Variants in PAPSS1 observed in about 807,000 individuals in gnomAD.
PAPSS1 encodes the protein 3'-phosphoadenosine 5'-phosphosulfate synthase 1, also known as bifunctional 3'-phosphoadenosine 5'-phosphosulfate synthase 1.
A neutral mutation model predicts 72.0 loss-of-function variants in PAPSS1; 50 were observed. The observed-to-expected ratio is 0.69, with a 90% confidence interval of 0.55 to 0.88. The LOEUF is 0.88. Ranked by LOEUF, PAPSS1 falls within the 40% of genes least tolerant of loss-of-function variation. The pLI, the probability that PAPSS1 is intolerant of heterozygous loss-of-function variation, is 0.00. For missense variants in PAPSS1, 657 were observed against 782.2 expected (o/e 0.84, Z 1.91); for synonymous variants, 261 against 263.6 (o/e 0.99, Z 0.09).
At chr4:107,701,381 C>A in intron 1 of PAPSS1, 96 bp from the exon 2 acceptor site, 1 of 756,548 alleles carries the variant, frequency 1.3e-6, no homozygotes. Flanking sequence ...ATGTAACATG[C>A]CAAAAGCAAA....
intron 11 of PAPSS1, among the ~76,000 whole-genome samples, chr4:107,625,406 A>G (rs886127873): frequency 4.6e-5 from 7 of 152,180 alleles, no homozygotes; most frequent in Admixed American, 1.3e-4. Flanking sequence ...CATGACAGGG[A>G]TGCAACATGA....
chr4:107,703,563 T>C (rs1249468646), intron 1 of PAPSS1, among the ~76,000 whole-genome samples: 1 of 152,234 alleles, frequency 6.6e-6, no homozygotes, highest in Non-Finnish European at 1.5e-5. Flanking sequence ...TCTAACTTCA[T>C]TCTTCTTCAC....
chr4:107,666,576 A>G (rs906455203), intron 5 of PAPSS1, among the ~76,000 whole-genome samples: 1 of 152,204 alleles, frequency 6.6e-6, no homozygotes, highest in Non-Finnish European at 1.5e-5. Context: ...TATGTAAAGT[A>G]CCCATGGTAA....
At chr4:107,660,133 G>A in intron 5 of PAPSS1, 61 bp from the exon 6 acceptor site, 1 of 853,678 alleles carries the variant, frequency 1.2e-6, no homozygotes, top group Non-Finnish European at 1.8e-6. Flanking sequence ...TTCACCAAAG[G>A]GTATCTTAAT....
intron 5 of PAPSS1, among the ~76,000 whole-genome samples, chr4:107,667,589 A>T (rs1727353944): frequency 6.6e-6 from 1 of 152,228 alleles, no homozygotes. Context: ...ATACCAGATG[A>T]TATCAGAGAT....
At chr4:107,628,977 A>C (rs971344835) in intron 11 of PAPSS1, among the ~76,000 whole-genome samples, 5 of 152,200 alleles carry the variant, frequency 3.3e-5, no homozygotes, top group Admixed American at 2.6e-4. Context: ...CTGTCAGTCA[A>C]AGAGAGACAG....
chr4:107,686,406 C>A lies in PAPSS1; in HGVS notation c.550+633G>T, dbSNP rs1043581256. 1.4e-4 allele frequency among the ~76,000 whole-genome samples: 22 copies of A among 152,176 alleles called. 1 individual carries two copies. The highest frequency in any genetic ancestry group is 5.3e-4 in the African/African-American group (22 of 41,502). On this transcript the variant is annotated intron_variant, in intron 4 of 11. Coordinates refer to ENST00000265174, the MANE Select transcript of PAPSS1 (RefSeq NM_005443.5). ...AAATGTTATATAAATAGATGTTATACTATATTTGTTATTTATACTATTTTT... is the reference window on the plus strand; with the variant it reads ...AAATGTTATATAAATAGATGTTATAATATATTTGTTATTTATACTATTTTT...
At chr4:107,660,766 A>G (rs868437842) in intron 5 of PAPSS1, among the ~76,000 whole-genome samples, 1 of 152,180 alleles carries the variant, frequency 6.6e-6, no homozygotes, top group African/African-American at 2.4e-5. Context: ...AAGAATAATT[A>G]CTAAATGTGT....
At chr4:107,647,763 T>A (rs949166904) in intron 9 of PAPSS1, among the ~76,000 whole-genome samples, 2 of 152,144 alleles carry the variant, frequency 1.3e-5, no homozygotes, top group African/African-American at 4.8e-5. Context: ...GTTTCTGACA[T>A]CTTGTGGTCC....
intron 10 of PAPSS1, among the ~76,000 whole-genome samples, chr4:107,635,019 C>T (rs929092625): frequency 4.6e-5 from 7 of 151,872 alleles, no homozygotes; most frequent in African/African-American, 7.3e-5. Context: ...AGGATGGTCT[C>T]GATCTCCTGA....
chr4:107,627,452 A>G (rs1726128257), intron 11 of PAPSS1, among the ~76,000 whole-genome samples: 1 of 152,168 alleles, frequency 6.6e-6, no homozygotes, highest in East Asian at 1.9e-4. Context: ...TTCTGGGCCC[A>G]GCATTTCACC....
At chr4:107,631,601 A>C in intron 11 of PAPSS1, 30 bp downstream of exon 11, 1 of 1,512,872 alleles carries the variant, frequency 6.6e-7, no homozygotes, top group South Asian at 1.2e-5. Flanking sequence ...GAAGTACTTC[A>C]AAGATTTGTA....
intron 8 of PAPSS1, 48 bp downstream of exon 8, chr4:107,654,647 A>G (rs944076924): frequency 4.8e-6 from 7 of 1,472,154 alleles, no homozygotes; most frequent in African/African-American, 2.8e-5. Context: ...TTTCAGCACA[A>G]ACATCATTGG....
intron 1 of PAPSS1, among the ~76,000 whole-genome samples, chr4:107,701,603 C>A (rs1273646902): frequency 6.6e-6 from 1 of 152,134 alleles, no homozygotes; most frequent in African/African-American, 2.4e-5. Context: ...AGAGCCTAGT[C>A]CTTTCACACA....
intron 5 of PAPSS1, among the ~76,000 whole-genome samples, chr4:107,679,180 G>C (rs1356181742): frequency 1.3e-5 from 2 of 152,100 alleles, no homozygotes; most frequent in African/African-American, 4.8e-5. Flanking sequence ...AGGAAACTGA[G>C]AATCATCACC....
chr4:107,646,330 C>T (rs1193205570), intron 9 of PAPSS1, among the ~76,000 whole-genome samples: 1 of 150,222 alleles, frequency 6.7e-6, no homozygotes, highest in African/African-American at 2.5e-5. Flanking sequence ...CACACACATA[C>T]ACACACATAC....
At chr4:107,660,448 T>C (rs926136930) in intron 5 of PAPSS1, among the ~76,000 whole-genome samples, 11 of 152,200 alleles carry the variant, frequency 7.2e-5, no homozygotes, top group Admixed American at 7.2e-4. Flanking sequence ...GAAACCATTT[T>C]ATTCCAGCTT....
chr4:107,667,422 C>A (rs539304596), intron 5 of PAPSS1, among the ~76,000 whole-genome samples: 81 of 152,216 alleles, frequency 5.3e-4, no homozygotes, highest in African/African-American at 1.9e-3. Context: ...AGGTGGGAAA[C>A]CTTGGATTTA....
At chr4:107,719,742 A>T in intron 1 of PAPSS1, 1 of 983,290 alleles carries the variant, frequency 1.0e-6, no homozygotes, top group Non-Finnish European at 1.2e-6. Context: ...GGCCACTCCA[A>T]GGTATGCAGG....
Sources: gnomAD v4.1 joint callset for allele counts (sites outside exome capture counted in the v4.1 genomes callset) on GRCh38, gnomAD v4.1.1 for gene constraint, MANE v1.5 for transcripts, NCBI Gene and HGNC (gene_info 2026-07-23, HGNC 2026-07-21) for gene names.